The following INSR variants were observed in gnomAD, a reference collection of about 807,000 sequenced individuals.
INSR encodes the protein IR.
INSR carries 67 observed loss-of-function variants against 142.6 expected under a neutral mutation model. The ratio of observed to expected loss-of-function variants is 0.47; its 90% CI spans 0.39 to 0.58. The LOEUF (loss-of-function observed/expected upper bound fraction) is 0.58, where lower values mean the gene tolerates loss of function less well. Among genes scored for constraint, INSR ranks in the 20% least tolerant of loss-of-function variants. The pLI, the probability that INSR is intolerant of heterozygous loss-of-function variation, is 0.00. For synonymous variants in INSR, 756 were observed against 743.1 expected (o/e 1.02, Z -0.28); for missense variants, 1,248 against 1,833.2 (o/e 0.68, Z 5.83).
chr19:7,178,596 G>A (rs1974200016), intron 3 of INSR, among the ~76,000 whole-genome samples: 1 of 152,168 alleles, frequency 6.6e-6, no homozygotes, highest in Non-Finnish European at 1.5e-5. Context: ...GTGCATGCCT[G>A]TAGTCCCAGC....
At chr19:7,218,563 C>T (rs1295958801) in intron 2 of INSR, among the ~76,000 whole-genome samples, 3 of 151,900 alleles carry the variant, frequency 2.0e-5, no homozygotes, top group Non-Finnish European at 4.4e-5. Context: ...TTTTATGAAA[C>T]GAAGTCTCGC....
intron 1 of INSR, among the ~76,000 whole-genome samples, chr19:7,277,404 A>G (rs1374120861): frequency 6.6e-6 from 1 of 152,054 alleles, no homozygotes; most frequent in Non-Finnish European, 1.5e-5. Flanking sequence ...CTCTCAAGAC[A>G]AATAAGGTTG....
chr19:7,248,498 A>G (rs1482159064), intron 2 of INSR, among the ~76,000 whole-genome samples: 5 of 144,108 alleles, frequency 3.5e-5, no homozygotes, highest in African/African-American at 5.1e-5. Flanking sequence ...AAAAAAAAAA[A>G]AAAAAAAAAA....
At chr19:7,152,622 C>T (rs1490241028) in intron 10 of INSR, 104 bp downstream of exon 10, 7 of 944,534 alleles carry the variant, frequency 7.4e-6, no homozygotes, top group South Asian at 1.3e-5. Flanking sequence ...ACCCACCCTT[C>T]TGCCGTCTCT....
At chr19:7,261,581 G>GCC (rs1215042685) in intron 2 of INSR, among the ~76,000 whole-genome samples, 1 of 151,330 alleles carries the variant, frequency 6.6e-6, no homozygotes, top group African/African-American at 2.4e-5. Flanking sequence ...GCCAGGCTGG[G>GCC]GTGCAATGGC....
At chr19:7,191,594 G>A (rs1386234926) in intron 2 of INSR, among the ~76,000 whole-genome samples, 4 of 152,186 alleles carry the variant, frequency 2.6e-5, no homozygotes, top group Admixed American at 1.3e-4. Context: ...GCTAACACGG[G>A]AGGATCTCTT....
intron 2 of INSR, among the ~76,000 whole-genome samples, chr19:7,250,472 A>G (rs1286519083): frequency 1.0e-4 from 12 of 118,090 alleles, no homozygotes; most frequent in Non-Finnish European, 2.4e-4. Context: ...AAAAGAAAGA[A>G]AGAAAAGAAA....
chr19:7,160,451 A>C (rs945094990), intron 9 of INSR, among the ~76,000 whole-genome samples: 15 of 151,834 alleles, frequency 9.9e-5, no homozygotes, highest in African/African-American at 3.4e-4. Flanking sequence ...CCGGCCTAAA[A>C]AATTATTTTA....
intron 2 of INSR, among the ~76,000 whole-genome samples, chr19:7,266,479 G>A (rs188117929): frequency 6.0e-5 from 9 of 150,418 alleles, no homozygotes; most frequent in Admixed American, 3.3e-4. Context: ...TCCGCCTCCC[G>A]GGTTCAAGTG....
intron 14 of INSR, among the ~76,000 whole-genome samples, chr19:7,131,123 G>T (rs1424232762): frequency 6.7e-6 from 1 of 149,962 alleles, no homozygotes; most frequent in Non-Finnish European, 1.5e-5. Context: ...CAAGTGATCC[G>T]CCCACCTCGG....
chr19:7,288,236 ACTGT>A (rs1968395361), intron 1 of INSR, among the ~76,000 whole-genome samples: 3 of 151,156 alleles, frequency 2.0e-5, no homozygotes, highest in Non-Finnish European at 2.9e-5. Flanking sequence ...CATGGTGGTG[ACTGT>A]CTGTGAGCCC....
chr19:7,230,832 T>G (rs988906736), intron 2 of INSR, among the ~76,000 whole-genome samples: 11 of 150,450 alleles, frequency 7.3e-5, no homozygotes, highest in African/African-American at 2.0e-4. Flanking sequence ...TAAAAAATAT[T>G]AGCTCAAGGC....
chr19:7,149,779 A>G (rs143427778), intron 11 of INSR, among the ~76,000 whole-genome samples: 1,573 of 151,480 alleles, frequency 0.01, 25 homozygotes, highest in African/African-American at 0.036. Context: ...CCGAGATCGC[A>G]CCACTGCACT....
At chr19:7,211,267 G>A (rs1175081008) in intron 2 of INSR, among the ~76,000 whole-genome samples, 1 of 152,138 alleles carries the variant, frequency 6.6e-6, no homozygotes, top group African/African-American at 2.4e-5. Context: ...GGCTCTTTCT[G>A]TATTGCCCAG....
Position 7,294,064 on chromosome 19 carries a change from G to A in INSR, c.-173C>T. ...GGGGAGGGCCCAGAGGCAGCCCCGG[G>A]AAGGGCGCGCGCGGCTTCGCCAGCT... On this transcript the variant is annotated 5_prime_UTR_variant, in exon 1 of 22. Transcript: ENST00000302850. 1 of 597,958 alleles carries A rather than the reference G, an allele frequency of 1.7e-6. No individual in the cohort carries two copies. The highest frequency in any genetic ancestry group is 2.2e-6 in the Non-Finnish European group (1 of 451,288). The allele number at this position is 597,958 out of a possible 1,614,324, so 37.0% of individuals were successfully genotyped here.
chr19:7,206,685 G>A lies in INSR; in HGVS notation c.653-22048C>T, dbSNP rs116094725. ...GTCTATTTGCAAGAACCCAGGAGGA[G>A]GAGGTTTCAGTGAACAGAGATTGCA... On this transcript the variant is annotated intron_variant, in intron 2 of 21. Transcript: ENST00000302850. 2.6e-3 allele frequency among the ~76,000 whole-genome samples: 401 copies of A among 152,304 alleles called. 3 individuals are homozygous for A. Among genetic ancestry groups the A allele is most frequent in the African/African-American group, 9.0e-3 (376 of 41,578 alleles).
intron 2 of INSR, among the ~76,000 whole-genome samples, chr19:7,230,722 C>T (rs1407219281): frequency 1.3e-5 from 2 of 150,174 alleles, no homozygotes; most frequent in Admixed American, 6.7e-5. Context: ...CAGGGAGAAT[C>T]GCTTGAATCC....
chr19:7,229,817 G>A (rs553578106), intron 2 of INSR, among the ~76,000 whole-genome samples: 27 of 141,564 alleles, frequency 1.9e-4, no homozygotes, highest in African/African-American at 7.2e-4. Flanking sequence ...CCAGGCTGGA[G>A]TGCAGTGGCA....
intron 13 of INSR, among the ~76,000 whole-genome samples, chr19:7,139,341 C>T (rs1257156124): frequency 6.6e-6 from 1 of 152,172 alleles, no homozygotes; most frequent in East Asian, 1.9e-4. Context: ...AGCTGTCAAT[C>T]CAAAAAGCTA....
Sources: gnomAD v4.1 joint callset for allele counts (sites outside exome capture counted in the v4.1 genomes callset) on GRCh38, gnomAD v4.1.1 for gene constraint, MANE v1.5 for transcripts, NCBI Gene and HGNC (gene_info 2026-07-23, HGNC 2026-07-21) for gene names.